Variants in ABCF3 observed in about 807,000 individuals in gnomAD.
ABCF3 encodes ATP-binding cassette sub-family F member 3.
A neutral mutation model predicts 94.3 loss-of-function variants in ABCF3; 62 were observed. The ratio of observed to expected loss-of-function variants is 0.66; its 90% CI spans 0.54 to 0.81. The LOEUF (loss-of-function observed/expected upper bound fraction) is 0.81. ABCF3 is among the 40% of genes least tolerant of loss of function. ABCF3 has a pLI of 0.00. For missense variants in ABCF3, 843 were observed against 925.3 expected, an observed-to-expected ratio of 0.91 and a Z score of 1.15; for synonymous variants, 355 against 361.1, an observed-to-expected ratio of 0.98 and a Z score of 0.19.
chr3:184,188,871 A>T, intron 8 of ABCF3, 30 bp downstream of exon 8: 1 of 1,614,044 alleles, frequency 6.2e-7, no homozygotes. Context: ...CCTCCTTCAG[A>T]TTTCCTTTCC....
At chr3:184,190,092 G>C (rs1171135355) in intron 14 of ABCF3, 161 bp downstream of exon 14, 11 of 718,206 alleles carry the variant, frequency 1.5e-5, no homozygotes, top group Non-Finnish European at 2.3e-5. Context: ...ACTGTTCTTG[G>C]AGGGCTAATC....
Position 184,188,243 on chromosome 3 carries a change from C to A in ABCF3, c.672C>A (p.Ala224=), listed in dbSNP as rs1340299882. 2 of 1,614,190 alleles carry A rather than the reference C, an allele frequency of 1.2e-6. No individual in the cohort carries two copies. Among genetic ancestry groups the A allele is most frequent in the Non-Finnish European group, 1.7e-6 (2 of 1,180,044 alleles). The change falls in exon 7 of 21, where the codon GCC becomes GCA. Residue 224 remains alanine, a synonymous_variant. Coordinates refer to ENST00000429586, the MANE Select transcript of ABCF3 (RefSeq NM_018358.3). ...AGACAACGTTACTGAAGATGCTGGC[C>A]ACCCGGAGTCTGCGGGTTCCAGCCC... is the stretch of plus-strand genomic sequence containing the variant. The part of the protein sequence containing the change: ...LGKTTLLKML[A]TRSLRVPAHI...
At chr3:184,187,784 A>G (rs1007326008) in intron 5 of ABCF3, 23 bp downstream of exon 5, 5 of 1,614,044 alleles carry the variant, frequency 3.1e-6, no homozygotes, top group Admixed American at 1.7e-5. Context: ...AGCATGGCTC[A>G]GAAGAGAGCA....
rs370941899 is a variant in ABCF3 at position 184,191,252 on chromosome 3, T to C, written c.1566T>C (p.Cys522=). The change falls in exon 16 of 21, where the codon TGT becomes TGC. Residue 522 remains cysteine, a synonymous_variant. Coordinates refer to ENST00000429586, the MANE Select transcript of ABCF3 (RefSeq NM_018358.3). ...CTGCTGATCTCGAGTCTCGCATCTG[T>C]GTGGTAAGGCTGCTGTTTCTCTGTG... ...SVSADLESRI[C]VVGENGAGKS... 3.9e-5 allele frequency: 63 copies of C among 1,613,936 alleles called. No homozygotes were observed. Among genetic ancestry groups the C allele is most frequent in the Middle Eastern group, 1.6e-4 (1 of 6,084 alleles).
intron 11 of ABCF3, 36 bp from the exon 12 acceptor site, chr3:184,189,352 C>T (rs1715858438): frequency 6.2e-7 from 1 of 1,614,184 alleles, no homozygotes; most frequent in Non-Finnish European, 8.5e-7. Context: ...TTCTCCAGCC[C>T]TTCAATCCCA....
In ABCF3 at chr3:184,192,866, G is replaced by T; in HGVS notation, c.1720G>T (p.Ala574Ser). ...HVEQLDLNVS[A>S]VELLARKFPG... Reference sequence around the variant, plus strand: ...GGAGCAGCTGGACCTAAACGTCAGTGCTGTGGAACTGCTGGCACGCAAGTT... The same window carrying T: ...GGAGCAGCTGGACCTAAACGTCAGTTCTGTGGAACTGCTGGCACGCAAGTT... The change falls in exon 18 of 21, where the codon GCT (alanine) becomes TCT (serine). Residue 574 changes from alanine (A) to serine (S), a missense_variant. Coordinates refer to ENST00000429586, the MANE Select transcript of ABCF3 (RefSeq NM_018358.3). The T allele has an allele frequency of 6.2e-7, 1 of 1,614,166 alleles. No homozygotes were observed. The highest frequency in any genetic ancestry group is 8.5e-7 in the Non-Finnish European group (1 of 1,180,004).
At position 184,188,919 on chromosome 3, in the gene ABCF3, T is replaced by C. The variant is rs2109041707; in HGVS notation, c.918-10T>C. On this transcript the variant is annotated splice_polypyrimidine_tract_variant and intron_variant, in intron 8 of 20. Coordinates refer to ENST00000429586, the MANE Select transcript of ABCF3 (RefSeq NM_018358.3). ...GTTCCAACTGAGTTCTTCGATTTCT[T>C]CTCTACTAGGGCATCAGTCATTCTC... The C allele has an allele frequency of 6.2e-7, 1 of 1,614,178 alleles. No individual in the cohort carries two copies. The highest frequency in any genetic ancestry group is 8.5e-7 in the Non-Finnish European group (1 of 1,180,034).
intron 13 of ABCF3, 26 bp from the exon 14 acceptor site, chr3:184,189,829 C>G: frequency 3.7e-6 from 6 of 1,614,118 alleles, no homozygotes; most frequent in Non-Finnish European, 5.1e-6. Context: ...GGAATTTGAC[C>G]AATGCCTACA....
rs776081088 is a variant in ABCF3, at chr3:184,191,113, C to T, written c.1437-10C>T. ...AGCTGCCCCCACATCCTCACCCCTA[C>T]CTCCTGCAGGTTCCCTGATGGGTTT... On this transcript the variant is annotated splice_polypyrimidine_tract_variant and intron_variant, in intron 15 of 20. Coordinates refer to ENST00000429586, the MANE Select transcript of ABCF3 (RefSeq NM_018358.3). 1.9e-6 allele frequency: 3 copies of T among 1,614,252 alleles called. No homozygotes were observed. The highest frequency in any genetic ancestry group is 2.5e-6 in the Non-Finnish European group (3 of 1,180,052).
rs1408372722 is a variant in ABCF3, at chr3:184,191,041, G to T, written c.1434G>T (p.Met478Ile). 6.2e-6 allele frequency: 10 copies of T among 1,614,216 alleles called. No individual in the cohort carries two copies. The highest frequency in any genetic ancestry group is 8.5e-6 in the Non-Finnish European group (10 of 1,180,042). Reference sequence around the variant, plus strand: ...TGGACAAGGAATCAGAGGTCGTAATGAAGTAAGTGCTGGGCCAGTGGGGCT... The same window carrying T: ...TGGACAAGGAATCAGAGGTCGTAATTAAGTAAGTGCTGGGCCAGTGGGGCT... Reference protein sequence around the residue: ...KPVDKESEVVMKFPDGFEKFS... With the variant: ...KPVDKESEVVIKFPDGFEKFS... Residue 478 changes from methionine to isoleucine, a missense_variant and splice_region_variant, in exon 15 of 21, where the codon ATG (methionine) becomes ATT (isoleucine). Transcript: ENST00000429586.
chr3:184,193,824 T>C lies in ABCF3; in HGVS notation c.*126T>C, dbSNP rs1716187203. ...GGGGACAGCCTTATTCCCAAATGTC[T>C]CTATCCTTTTGACTGGAGCATCTTC... On this transcript the variant is annotated 3_prime_UTR_variant, in exon 21 of 21. Coordinates refer to ENST00000429586, the MANE Select transcript of ABCF3 (RefSeq NM_018358.3). The surrounding 1 kb of genome is among the most constrained non-coding windows in gnomAD (Gnocchi z 5.2). 1 of 1,201,564 alleles carries C rather than the reference T, an allele frequency of 8.3e-7. No homozygotes were observed. Among genetic ancestry groups the C allele is most frequent in the Non-Finnish European group, 1.1e-6 (1 of 878,460 alleles). 74.4% of individuals were successfully genotyped at this position (1,201,564 alleles called of 1,614,324 possible).
chr3:184,190,696 G>C (rs1715964123), intron 14 of ABCF3: 1 of 320,778 alleles, frequency 3.1e-6, no homozygotes, highest in African/African-American at 2.1e-5. Context: ...TAATGATAAT[G>C]TGCATTGGGA....
chr3:184,189,306 T>C (rs754861764), intron 11 of ABCF3, 29 bp downstream of exon 11: 4 of 1,614,182 alleles, frequency 2.5e-6, no homozygotes, highest in Non-Finnish European at 3.4e-6. Context: ...ACCCTGACTT[T>C]AGGATGGGCA....
chr3:184,188,553 C>T, intron 7 of ABCF3, 146 bp downstream of exon 7: 1 of 1,167,596 alleles, frequency 8.6e-7, no homozygotes, highest in Non-Finnish European at 1.2e-6. Flanking sequence ...AGCCCTTGTT[C>T]TTTCCACAGT....
At chr3:184,190,224 C>G in intron 14 of ABCF3, 1 of 473,728 alleles carries the variant, frequency 2.1e-6, no homozygotes, top group Non-Finnish European at 3.8e-6. Context: ...TGTCTTTTAC[C>G]TGGCGTCATG....
At chr3:184,191,960 G>A (rs954459739) in intron 16 of ABCF3, among the ~76,000 whole-genome samples, 6 of 152,080 alleles carry the variant, frequency 3.9e-5, no homozygotes, top group Non-Finnish European at 8.8e-5. Flanking sequence ...TGGCCAGGCT[G>A]GTCTCAAACT....
In ABCF3 at chr3:184,188,855, CCCCT is replaced by C; in HGVS notation, c.917+21_917+24del. 6.2e-7 allele frequency: 1 copy of C among 1,613,972 alleles called. No homozygotes were observed. Among genetic ancestry groups the C allele is most frequent in the South Asian group, 1.1e-5 (1 of 91,048 alleles). Reference sequence around the variant, plus strand: ...GGCACCTGCCAGGTATTTAAAGCTCCCCCTCCCTCCTTCAGATTTCCTTTCCCTT... The same window carrying C: ...GGCACCTGCCAGGTATTTAAAGCTCCCCCTCCTTCAGATTTCCTTTCCCTT... On this transcript the variant is annotated intron_variant, in intron 8 of 20. Transcript: ENST00000429586.
At chr3:184,192,419 A>G (rs1716083318) in intron 16 of ABCF3, among the ~76,000 whole-genome samples, 182 bp from the exon 17 acceptor site, 1 of 152,078 alleles carries the variant, frequency 6.6e-6, no homozygotes, top group African/African-American at 2.4e-5. Flanking sequence ...TCAGTTAACC[A>G]ACCTCTCCCG....
intron 14 of ABCF3, 143 bp downstream of exon 14, chr3:184,190,074 T>G: frequency 2.4e-6 from 2 of 826,134 alleles, no homozygotes; most frequent in Non-Finnish European, 3.9e-6. Flanking sequence ...GGAAGCAGAG[T>G]ATTCCACACT....
Sources: gnomAD v4.1 joint callset for allele counts (sites outside exome capture counted in the v4.1 genomes callset) on GRCh38, gnomAD v4.1.1 for gene constraint, Gnocchi (gnomAD v3.1) non-coding constraint, MANE v1.5 for transcripts, NCBI Gene and HGNC (gene_info 2026-07-23, HGNC 2026-07-21) for gene names.